The following CFAP20DC variants were observed in gnomAD, a reference collection of about 807,000 sequenced individuals.
CFAP20DC encodes CFAP20 domain containing, also known as protein CFAP20DC.
In CFAP20DC, 84 loss-of-function variants were observed where a neutral mutation model predicts 101.7. That is an observed-to-expected ratio of 0.83 (90% CI 0.69 to 0.99). The LOEUF is 0.99. Ranked by LOEUF, CFAP20DC falls within the 50% of genes least tolerant of loss-of-function variation. The pLI is 0.00. For synonymous variants in CFAP20DC, 359 were observed against 351.2 expected, an observed-to-expected ratio of 1.02 and a Z score of -0.25; for missense variants, 1,007 against 970.3, an observed-to-expected ratio of 1.04 and a Z score of -0.50.
chr3:58,831,753 T>A lies in CFAP20DC; in HGVS notation c.2108A>T (p.Asp703Val). 1 of 1,614,062 alleles carries A rather than the reference T, an allele frequency of 6.2e-7. No homozygotes were observed. The stretch of plus-strand genomic sequence containing the variant: ...GGTACTTATGCTGACATTACAGTTG[T>A]CCACCTGGGAGGCACTCAGGCCATG... ...TSHGLSASQV[D>V]NCNVSISTSS... Residue 703 changes from aspartate (D) to valine (V), a missense_variant, in exon 14 of 17, where the codon GAC becomes GTC. Transcript: ENST00000482387.
intron 4 of CFAP20DC, among the ~76,000 whole-genome samples, chr3:58,995,782 G>T (rs1678907710): frequency 6.6e-6 from 1 of 152,166 alleles, no homozygotes; most frequent in Non-Finnish European, 1.5e-5. Flanking sequence ...TGTCTTTTTA[G>T]TTGGAACATA....
chr3:58,807,365 A>G (rs1486702902), intron 14 of CFAP20DC, among the ~76,000 whole-genome samples: 5 of 152,162 alleles, frequency 3.3e-5, no homozygotes, highest in Admixed American at 3.3e-4. Context: ...CCTCTGAGAT[A>G]AAACTTCCAG....
intron 14 of CFAP20DC, among the ~76,000 whole-genome samples, chr3:58,823,492 G>C (rs2075831381): frequency 6.6e-6 from 1 of 152,000 alleles, no homozygotes; most frequent in South Asian, 2.1e-4. Flanking sequence ...GCTAATTCTT[G>C]GTAGATATGA....
chr3:58,949,293 C>T (rs1046522010), intron 4 of CFAP20DC, among the ~76,000 whole-genome samples: 1 of 151,980 alleles, frequency 6.6e-6, no homozygotes, highest in African/African-American at 2.4e-5. Context: ...TTCAGTTCTG[C>T]TCTGATCTTA....
At position 58,911,532 on chromosome 3, in the gene CFAP20DC, T is replaced by C. The variant is rs551145526; in HGVS notation, c.550+2176A>G. 3.8e-4 allele frequency among the ~76,000 whole-genome samples: 58 copies of C among 152,270 alleles called. 1 individual carries two copies. The highest frequency in any genetic ancestry group is 1.3e-3 in the African/African-American group (56 of 41,582). ...TCTGGGTGGTGGTTACAGAAATGTGTTCACTTTGTGGTAATACCTCCAGTT... is the reference window on the plus strand; with the variant it reads ...TCTGGGTGGTGGTTACAGAAATGTGCTCACTTTGTGGTAATACCTCCAGTT... On this transcript the variant is annotated intron_variant, in intron 6 of 16. Coordinates refer to ENST00000482387, the MANE Select transcript of CFAP20DC (RefSeq NM_001394063.1).
intron 15 of CFAP20DC, among the ~76,000 whole-genome samples, chr3:58,797,148 C>T (rs889791523): frequency 6.6e-6 from 1 of 152,128 alleles, no homozygotes; most frequent in African/African-American, 2.4e-5. Context: ...CTCTCACTTT[C>T]AATCAAAAGC....
chr3:58,804,773 G>T (rs2073942040), intron 15 of CFAP20DC, among the ~76,000 whole-genome samples: 1 of 152,164 alleles, frequency 6.6e-6, no homozygotes, highest in African/African-American at 2.4e-5. Flanking sequence ...TGAGCTGCAA[G>T]ATTCTTACTG....
chr3:58,951,796 C>T (rs544954849), intron 4 of CFAP20DC, among the ~76,000 whole-genome samples: 15 of 151,992 alleles, frequency 9.9e-5, no homozygotes, highest in Non-Finnish European at 2.1e-4. Flanking sequence ...TTAGGAGATA[C>T]ACCTAATGTT....
chr3:58,747,955 A>G (rs542473168), intron 16 of CFAP20DC, among the ~76,000 whole-genome samples: 86 of 152,200 alleles, frequency 5.7e-4, no homozygotes, highest in Non-Finnish European at 9.6e-4. Flanking sequence ...TGAAAGGTAA[A>G]TAACATTGCA....
chr3:59,041,949 G>A (rs1330571488), intron 3 of CFAP20DC, among the ~76,000 whole-genome samples: 1 of 152,106 alleles, frequency 6.6e-6, no homozygotes, highest in African/African-American at 2.4e-5. Flanking sequence ...CAATGCTGAA[G>A]TTTTTGCAGT....
chr3:58,748,559 G>A lies in CFAP20DC; in HGVS notation c.2332+5210C>T, dbSNP rs545664698. Among the ~76,000 whole-genome samples, 4 of 152,230 alleles carry A rather than the reference G, an allele frequency of 2.6e-5. No individual in the cohort carries two copies. The East Asian group carries it at 7.7e-4, about 29-fold the overall frequency. On this transcript the variant is annotated intron_variant, in intron 16 of 16. Transcript: ENST00000482387. ...CCCCAGGACCCTGAGAGCTATGTAA[G>A]AGAAAATATCACCCTACTCACAGGG...
chr3:58,792,418 T>C (rs2072930831), intron 15 of CFAP20DC, among the ~76,000 whole-genome samples: 1 of 152,120 alleles, frequency 6.6e-6, no homozygotes, highest in Non-Finnish European at 1.5e-5. Flanking sequence ...AGCCTTACAT[T>C]AGGTTTTGAA....
chr3:58,769,935 C>G (rs767962133), intron 15 of CFAP20DC, among the ~76,000 whole-genome samples: 2 of 152,174 alleles, frequency 1.3e-5, no homozygotes, highest in Non-Finnish European at 2.9e-5. Context: ...GATAAATCCA[C>G]AAAACAGAGA....
In CFAP20DC at chr3:58,751,867, A is replaced by ACACACACACACACACACACACACACAC. The variant is rs1553645550; in HGVS notation, c.2332+1901_2332+1902insGTGTGTGTGTGTGTGTGTGTGTGTGTG. The stretch of plus-strand genomic sequence containing the variant: ...CACACACACACACACACACACACAC[A>ACACACACACACACACACACACACACAC]AAATTTCCTCCTGGTGGTGGTGTGA... On this transcript the variant is annotated intron_variant, in intron 16 of 16. Coordinates refer to ENST00000482387, the MANE Select transcript of CFAP20DC (RefSeq NM_001394063.1). Among the ~76,000 whole-genome samples, 94 of 136,220 alleles carry ACACACACACACACACACACACACACAC rather than the reference A, an allele frequency of 6.9e-4. 1 individual carries two copies. The highest frequency in any genetic ancestry group is 1.9e-3 in the African/African-American group (73 of 38,394). 89.4% of individuals were successfully genotyped at this position (136,220 alleles called of 152,430 possible).
chr3:58,793,499 G>A (rs7634348), intron 15 of CFAP20DC, among the ~76,000 whole-genome samples: 97,688 of 151,938 alleles, frequency 0.64, 33,496 homozygotes, highest in African/African-American at 0.9. Flanking sequence ...AATGAAGGCA[G>A]TTTCAGGTTT....
rs147869641 is a variant in CFAP20DC at position 59,015,215 on chromosome 3, T to C, written c.278+24342A>G. On this transcript the variant is annotated intron_variant, in intron 4 of 16. Transcript: ENST00000482387. This position sits in a 1 kb window ranked among gnomAD's most constrained non-coding sequence, Gnocchi z 5.4. ...TGTCTGTAGTTAGCAGCCAGGATGATAGAACTAGCATTTACCATTTCCTGT... is the reference window on the plus strand; with the variant it reads ...TGTCTGTAGTTAGCAGCCAGGATGACAGAACTAGCATTTACCATTTCCTGT... 2.2e-3 allele frequency among the ~76,000 whole-genome samples: 334 copies of C among 152,150 alleles called. 2 individuals are homozygous for C. Among genetic ancestry groups the C allele is most frequent in the African/African-American group, 7.5e-3 (310 of 41,504 alleles).
intron 13 of CFAP20DC, among the ~76,000 whole-genome samples, chr3:58,835,408 C>T (rs1559673371): frequency 6.6e-6 from 1 of 152,168 alleles, no homozygotes; most frequent in Admixed American, 6.5e-5. Context: ...GGGACTCCCA[C>T]CACTGGCAGG....
At chr3:58,889,639 A>G (rs1410076659) in intron 6 of CFAP20DC, among the ~76,000 whole-genome samples, 1 of 144,970 alleles carries the variant, frequency 6.9e-6, no homozygotes, top group African/African-American at 2.6e-5. Context: ...AGTGGAGGGA[A>G]GGTCAGCAGA....
chr3:59,027,213 C>T (rs1320654030), intron 4 of CFAP20DC, among the ~76,000 whole-genome samples: 1 of 152,192 alleles, frequency 6.6e-6, no homozygotes, highest in Non-Finnish European at 1.5e-5. Context: ...TACTGCTATG[C>T]AAGGATCACA....
Sources: allele counts gnomAD v4.1 joint callset (sites outside exome capture counted in the v4.1 genomes callset), GRCh38; gene constraint gnomAD v4.1.1; non-coding constraint Gnocchi (gnomAD v3.1); transcripts MANE v1.5; gene names NCBI Gene and HGNC (gene_info 2026-07-23, HGNC 2026-07-21).